Variants in DPP10 observed in about 807,000 individuals in gnomAD.
The protein encoded by DPP10 is dipeptidyl peptidase like 10.
In DPP10, 33 loss-of-function variants were observed where a neutral mutation model predicts 120.9. That is an observed-to-expected ratio of 0.27 (90% CI 0.21 to 0.37). The LOEUF (loss-of-function observed/expected upper bound fraction) is 0.37. DPP10 is among the 10% of genes least tolerant of loss of function. The pLI is 1.00. For synonymous variants in DPP10, 337 were observed against 326.1 expected (o/e 1.03, Z -0.36); for missense variants, 816 against 942.8 (o/e 0.87, Z 1.76).
intron 1 of DPP10, among the ~76,000 whole-genome samples, chr2:115,235,929 G>A (rs572271005): frequency 6.6e-6 from 1 of 152,242 alleles, no homozygotes; most frequent in Admixed American, 6.5e-5. Context: ...GCTTAAGTCT[G>A]CCTCATAGAC....
At chr2:115,497,077 A>G (rs1346268651) in intron 3 of DPP10, among the ~76,000 whole-genome samples, 1 of 152,042 alleles carries the variant, frequency 6.6e-6, no homozygotes, top group African/African-American at 2.4e-5. Flanking sequence ...CAGTACTATC[A>G]TCTATATTAT....
chr2:115,432,132 T>G (rs1157097013), intron 3 of DPP10, among the ~76,000 whole-genome samples: 1 of 152,068 alleles, frequency 6.6e-6, no homozygotes, highest in Non-Finnish European at 1.5e-5. Flanking sequence ...AACATTTGTT[T>G]TCCTTTTTTC....
chr2:115,714,709 T>C (rs1234414515), intron 7 of DPP10, among the ~76,000 whole-genome samples: 1 of 152,214 alleles, frequency 6.6e-6, no homozygotes, highest in Non-Finnish European at 1.5e-5. Flanking sequence ...CTAGTTTCTC[T>C]ACTTGGAATA....
intron 1 of DPP10, among the ~76,000 whole-genome samples, chr2:114,673,418 C>A (rs1230081330): frequency 1.3e-5 from 2 of 151,954 alleles, no homozygotes; most frequent in Non-Finnish European, 2.9e-5. Flanking sequence ...ATTTTTATTA[C>A]CTTTTTCTTT....
At chr2:114,867,851 C>T (rs1280968272) in intron 1 of DPP10, among the ~76,000 whole-genome samples, 1 of 152,218 alleles carries the variant, frequency 6.6e-6, no homozygotes, top group Non-Finnish European at 1.5e-5. Flanking sequence ...ACTGGGCTGG[C>T]TTCCGTGAGT....
intron 5 of DPP10, among the ~76,000 whole-genome samples, chr2:115,631,285 T>C (rs916648112): frequency 2.6e-5 from 4 of 152,138 alleles, no homozygotes; most frequent in African/African-American, 9.7e-5. Flanking sequence ...TTATCATTTT[T>C]TATTGTGTCT....
chr2:114,581,469 C>T (rs1199870464), intron 1 of DPP10, among the ~76,000 whole-genome samples: 3 of 152,106 alleles, frequency 2.0e-5, no homozygotes, highest in Non-Finnish European at 2.9e-5. Flanking sequence ...AGGCATGAGC[C>T]ACCACGCCCA....
intron 1 of DPP10, among the ~76,000 whole-genome samples, chr2:115,038,673 G>T (rs578078708): frequency 6.6e-6 from 1 of 152,196 alleles, no homozygotes; most frequent in African/African-American, 2.4e-5. Context: ...CTTTTACTAC[G>T]TATTGATGAG....
chr2:115,051,676 T>A (rs996310529), intron 1 of DPP10, among the ~76,000 whole-genome samples: 1 of 152,198 alleles, frequency 6.6e-6, no homozygotes, highest in Non-Finnish European at 1.5e-5. Context: ...TCTACGCTAG[T>A]GGACACACAA....
At chr2:115,715,356 A>AAG (rs1424466351) in intron 7 of DPP10, among the ~76,000 whole-genome samples, 1 of 150,288 alleles carries the variant, frequency 6.7e-6, no homozygotes, top group Non-Finnish European at 1.5e-5. Context: ...AAAAAAAAAA[A>AAG]AAAAAAAGAA....
chr2:115,674,151 G>A (rs755814941), intron 5 of DPP10, among the ~76,000 whole-genome samples: 2 of 152,058 alleles, frequency 1.3e-5, no homozygotes, highest in Admixed American at 6.6e-5. Flanking sequence ...CTTGAACCTG[G>A]GAGGCAGAGG....
intron 1 of DPP10, among the ~76,000 whole-genome samples, chr2:114,463,916 C>CT (rs916689640): frequency 3.9e-5 from 6 of 152,208 alleles, no homozygotes; most frequent in South Asian, 2.1e-4. Flanking sequence ...TTCAGATAGG[C>CT]TTTTTTTCAT....
At chr2:115,264,890 A>G (rs1035548655) in intron 1 of DPP10, among the ~76,000 whole-genome samples, 1 of 152,184 alleles carries the variant, frequency 6.6e-6, no homozygotes, top group Non-Finnish European at 1.5e-5. Context: ...CATGAAAGGA[A>G]ATAGTCATAA....
intron 5 of DPP10, among the ~76,000 whole-genome samples, chr2:115,596,562 T>C (rs991915456): frequency 6.6e-6 from 1 of 152,196 alleles, no homozygotes. Context: ...ACTATCAGTC[T>C]CTTGATTACC....
At chr2:115,247,564 G>A (rs531335712) in intron 1 of DPP10, among the ~76,000 whole-genome samples, 20 of 152,176 alleles carry the variant, frequency 1.3e-4, no homozygotes, top group African/African-American at 4.8e-4. Flanking sequence ...GAATGTATTA[G>A]GGTGTGAACA....
rs2104963185 is a variant in DPP10 at position 114,996,103 on chromosome 2, C to T, written c.61-313136C>T. On this transcript the variant is annotated intron_variant, in intron 1 of 25. Transcript: ENST00000410059. ...TATGCAAGGATGTTTCTCTAAGCTG[C>T]TAGTCCAAAAGTAATAAACATCAAG... Among the ~76,000 whole-genome samples, 2 of 152,280 alleles carry T rather than the reference C, an allele frequency of 1.3e-5. 1 individual carries two copies. Among genetic ancestry groups the T allele is most frequent in the South Asian group, 4.1e-4 (2 of 4,828 alleles).
At chr2:114,457,455 G>A (rs1018011403) in intron 1 of DPP10, among the ~76,000 whole-genome samples, 9 of 152,260 alleles carry the variant, frequency 5.9e-5, no homozygotes, top group Admixed American at 3.3e-4. Flanking sequence ...AGGAAACTCC[G>A]GGACTAGGAG....
chr2:114,787,236 A>G (rs1400449081), intron 1 of DPP10, among the ~76,000 whole-genome samples: 7 of 152,204 alleles, frequency 4.6e-5, no homozygotes, highest in Admixed American at 3.3e-4. Flanking sequence ...AAGAAAGAGC[A>G]TTCCTGGCAG....
At chr2:114,594,728 C>G (rs1691763215) in intron 1 of DPP10, among the ~76,000 whole-genome samples, 1 of 151,836 alleles carries the variant, frequency 6.6e-6, no homozygotes, top group Non-Finnish European at 1.5e-5. Context: ...GGTGGGGATA[C>G]AGAGGAGTGA....
Sources: allele counts gnomAD v4.1 joint callset (sites outside exome capture counted in the v4.1 genomes callset), GRCh38; gene constraint gnomAD v4.1.1; transcripts MANE v1.5; gene names NCBI Gene and HGNC (gene_info 2026-07-23, HGNC 2026-07-21).